The following B3GALNT1 variants were observed in gnomAD, a reference collection of about 807,000 sequenced individuals.
The protein encoded by B3GALNT1 is UDP-GalNAc:beta-1,3-N-acetylgalactosaminyltransferase 1.
B3GALNT1 carries 17 observed loss-of-function variants against 27.3 expected under a neutral mutation model. The ratio of observed to expected loss-of-function variants is 0.62; its 90% CI spans 0.43 to 0.94. B3GALNT1 has a LOEUF of 0.94. B3GALNT1 is among the 40% of genes least tolerant of loss of function. The pLI is 0.00. For missense variants in B3GALNT1, 347 were observed against 390.0 expected, an observed-to-expected ratio of 0.89 and a Z score of 0.93; for synonymous variants, 141 against 144.0, an observed-to-expected ratio of 0.98 and a Z score of 0.15.
chr3:161,105,020 T>A (rs933722082), intron 1 of B3GALNT1: 6 of 152,088 alleles, frequency 3.9e-5, no homozygotes, highest in Non-Finnish European at 7.3e-5. Flanking sequence ...GGGCAGCTGC[T>A]CGTCACCGAG....
chr3:161,103,403 T>G (rs1330071170), intron 3 of B3GALNT1, 24 bp downstream of exon 3: 1 of 1,130,004 alleles, frequency 8.8e-7, no homozygotes, highest in South Asian at 1.3e-5. Flanking sequence ...GGATAATTTA[T>G]AAGTTAAAAG....
intron 4 of B3GALNT1, among the ~76,000 whole-genome samples, chr3:161,097,009 C>A (rs962790699): frequency 2.6e-5 from 4 of 152,198 alleles, no homozygotes; most frequent in Non-Finnish European, 5.9e-5. Flanking sequence ...GATGCCTAGA[C>A]CCTCACCACT....
chr3:161,086,126 A>G lies in B3GALNT1; in HGVS notation c.629T>C (p.Ile210Thr), dbSNP rs367558429. 3.7e-6 allele frequency: 6 copies of G among 1,608,254 alleles called. No homozygotes were observed. The highest frequency in any genetic ancestry group is 5.1e-6 in the Non-Finnish European group (6 of 1,177,564). ...AAATCCTCTATAGGAATAATTATCA[A>G]TTAGAGGATAACCTGTGAAAAACTT... ...SEKFFTGYPL[I>T]DNYSYRGFYQ... is the part of the protein sequence containing the mutation. Residue 210 changes from isoleucine (I) to threonine (T), a missense_variant, in exon 5 of 5, where the codon ATT (isoleucine) becomes ACT (threonine). Ile to Thr is a moderately conservative substitution (Grantham distance 89). Coordinates refer to ENST00000320474, the MANE Select transcript of B3GALNT1 (RefSeq NM_003781.4).
intron 1 of B3GALNT1, chr3:161,104,802 C>T (rs1387626947): frequency 6.5e-6 from 1 of 153,428 alleles, no homozygotes; most frequent in African/African-American, 2.4e-5. Context: ...CCGTTCCCGT[C>T]CTCTTCCTCG....
At chr3:161,086,809 T>G (rs749957337) in intron 4 of B3GALNT1, 21 bp from the exon 5 acceptor site, 9 of 1,600,714 alleles carry the variant, frequency 5.6e-6, no homozygotes, top group Admixed American at 5.2e-5. Context: ...TATCAAAGAT[T>G]GGGTTAATAT....
rs529829866 is a variant in B3GALNT1, at chr3:161,084,111, T to A, written c.*1648A>T. ...CCATTATAATTTTATGGGACCACTA[T>A]TGTATATGTCATTATGCAGTACATA... is the stretch of plus-strand genomic sequence containing the variant. On this transcript the variant is annotated 3_prime_UTR_variant, in exon 5 of 5. Coordinates refer to ENST00000320474, the MANE Select transcript of B3GALNT1 (RefSeq NM_003781.4). 1 of 152,162 alleles carries A rather than the reference T, an allele frequency of 6.6e-6. No individual in the cohort carries two copies. The highest frequency in any genetic ancestry group is 1.5e-5 in the Non-Finnish European group (1 of 68,040). 9.4% of individuals were successfully genotyped at this position (152,162 alleles called of 1,614,324 possible). A position where few individuals can be genotyped will look rare whatever the true frequency, so the allele number is the denominator to read the frequency against.
At position 161,086,451 on chromosome 3, in the gene B3GALNT1, C is replaced by T. The variant is rs1721907909; in HGVS notation, c.304G>A (p.Gly102Ser). 1.9e-6 allele frequency: 3 copies of T among 1,613,570 alleles called. No homozygotes were observed. The highest frequency in any genetic ancestry group is 2.2e-5 in the East Asian group (1 of 44,876). Residue 102 changes from glycine to serine, a missense_variant, in exon 5 of 5, where the codon GGT becomes AGT. Coordinates refer to ENST00000320474, the MANE Select transcript of B3GALNT1 (RefSeq NM_003781.4). ...KARQAIRVTW[G>S]EKKSWWGYEV... is the part of the protein sequence containing the mutation. ...TATCCCCACCAAGACTTTTTTTCAC[C>T]CCAAGTAACTCTAATGGCCTGCCTG...
rs1720961421 is a variant in B3GALNT1 at position 161,084,940 on chromosome 3, C to A, written c.*819G>T. The A allele has an allele frequency of 6.6e-6, 1 of 152,144 alleles. No homozygotes were observed. Among genetic ancestry groups the A allele is most frequent in the African/African-American group, 2.4e-5 (1 of 41,448 alleles). 9.4% of individuals were successfully genotyped at this position (152,144 alleles called of 1,614,324 possible). On this transcript the variant is annotated 3_prime_UTR_variant, in exon 5 of 5. Transcript: ENST00000320474. Reference sequence around the variant, plus strand: ...AAAAATGAGACAAATTAAGTGACTTCTAAAAACACTAGGAACTGTATTTTT... The same window carrying A: ...AAAAATGAGACAAATTAAGTGACTTATAAAAACACTAGGAACTGTATTTTT...
At chr3:161,089,279 T>C (rs942515182) in intron 4 of B3GALNT1, among the ~76,000 whole-genome samples, 3 of 152,264 alleles carry the variant, frequency 2.0e-5, no homozygotes, top group Non-Finnish European at 4.4e-5. Context: ...GCTGTGGTTC[T>C]ACCCTTGGCA....
intron 4 of B3GALNT1, among the ~76,000 whole-genome samples, chr3:161,100,528 G>T (rs1332574403): frequency 6.6e-6 from 1 of 152,168 alleles, no homozygotes; most frequent in Non-Finnish European, 1.5e-5. Flanking sequence ...AGACATCTGA[G>T]TTTTTAAAGA....
intron 4 of B3GALNT1, 121 bp from the exon 5 acceptor site, chr3:161,086,909 A>AC: frequency 9.3e-7 from 1 of 1,070,706 alleles, no homozygotes; most frequent in Non-Finnish European, 1.4e-6. Context: ...TAAAACAAAA[A>AC]ATCCTGACTT....
chr3:161,096,369 TAG>T (rs1009598704), intron 4 of B3GALNT1, among the ~76,000 whole-genome samples: 1 of 152,220 alleles, frequency 6.6e-6, no homozygotes, highest in African/African-American at 2.4e-5. Context: ...CCAAGCACGC[TAG>T]AGTCAGGATC....
In B3GALNT1 at chr3:161,086,270, G is replaced by C. The variant is rs1721722701; in HGVS notation, c.485C>G (p.Ala162Gly). Residue 162 changes from alanine to glycine, a missense_variant, in exon 5 of 5, where the codon GCA becomes GGA. Ala to Gly is a moderately conservative substitution (Grantham distance 60). Coordinates refer to ENST00000320474, the MANE Select transcript of B3GALNT1 (RefSeq NM_003781.4). ...YNNLTLKTIM[A>G]FRWVTEFCPN... Reference sequence around the variant, plus strand: ...GCAAAACTCAGTTACCCACCTGAATGCCATAATGGTTTTCAAGGTCAGGTT... The same window carrying C: ...GCAAAACTCAGTTACCCACCTGAATCCCATAATGGTTTTCAAGGTCAGGTT... The C allele has an allele frequency of 6.2e-7, 1 of 1,614,008 alleles. No homozygotes were observed. Among genetic ancestry groups the C allele is most frequent in the Non-Finnish European group, 8.5e-7 (1 of 1,180,040 alleles).
chr3:161,089,852 TG>T (rs1724055927), intron 4 of B3GALNT1: 1 of 152,444 alleles, frequency 6.6e-6, no homozygotes, highest in Admixed American at 6.5e-5. Context: ...GCGGATCACC[TG>T]ATGTCAGGAG....
intron 4 of B3GALNT1, among the ~76,000 whole-genome samples, chr3:161,091,430 A>G (rs1725039976): frequency 6.6e-6 from 1 of 152,212 alleles, no homozygotes; most frequent in Admixed American, 6.5e-5. Flanking sequence ...ACAATTCATA[A>G]GCTTTAAATC....
Position 161,085,610 on chromosome 3 carries a change from C to T in B3GALNT1, c.*149G>A, listed in dbSNP as rs1721258673. 3 of 766,970 alleles carry T rather than the reference C, an allele frequency of 3.9e-6. No homozygotes were observed. Among genetic ancestry groups the T allele is most frequent in the South Asian group, 1.6e-5 (1 of 63,412 alleles). The allele number at this position is 766,970 out of a possible 1,614,324, so 47.5% of individuals were successfully genotyped here. ...CCTGACTAATAAATCACAAGTGTAA[C>T]CCTCCAGTCTCCAGTCTGGGTTTTT... On this transcript the variant is annotated 3_prime_UTR_variant, in exon 5 of 5. Coordinates refer to ENST00000320474, the MANE Select transcript of B3GALNT1 (RefSeq NM_003781.4).
intron 4 of B3GALNT1, among the ~76,000 whole-genome samples, chr3:161,090,324 T>C (rs1457557104): frequency 6.6e-6 from 1 of 152,080 alleles, no homozygotes; most frequent in Non-Finnish European, 1.5e-5. Context: ...AAGTAACTGA[T>C]ACATCAAGCA....
chr3:161,093,003 C>T (rs1489831140), intron 4 of B3GALNT1, among the ~76,000 whole-genome samples: 3 of 151,880 alleles, frequency 2.0e-5, no homozygotes, highest in South Asian at 2.1e-4. Flanking sequence ...GTGATCCACC[C>T]GCCTCGGCCT....
rs1721046646 is a variant in B3GALNT1 at position 161,085,169 on chromosome 3, T to C, written c.*590A>G. 1 of 152,748 alleles carries C rather than the reference T, an allele frequency of 6.5e-6. No homozygotes were observed. The highest frequency in any genetic ancestry group is 1.9e-4 in the East Asian group (1 of 5,190). 9.5% of individuals were successfully genotyped at this position (152,748 alleles called of 1,614,324 possible). A position where few individuals can be genotyped will look rare whatever the true frequency, so the allele number is the denominator to read the frequency against. On this transcript the variant is annotated 3_prime_UTR_variant, in exon 5 of 5. Transcript: ENST00000320474. ...GTAAAGAATGATTCACTATCCTTTT[T>C]ATCTTGTATTGAAATCGTCAAAACA...
Sources: allele counts gnomAD v4.1 joint callset (sites outside exome capture counted in the v4.1 genomes callset), GRCh38; gene constraint gnomAD v4.1.1; transcripts MANE v1.5; gene names NCBI Gene and HGNC (gene_info 2026-07-23, HGNC 2026-07-21).